The following ALG9 variants were observed in gnomAD, a reference collection of about 807,000 sequenced individuals.
ALG9 encodes the protein ALG9 alpha-1,2-mannosyltransferase, also known as alpha-1,2-mannosyltransferase ALG9.
In ALG9, 55 loss-of-function variants were observed where a neutral mutation model predicts 81.8. The ratio of observed to expected loss-of-function variants is 0.67; its 90% confidence interval spans 0.54 to 0.84. The LOEUF is 0.84. ALG9 is among the 40% of genes least tolerant of loss of function. ALG9 has a pLI of 0.00. For synonymous variants in ALG9, 278 were observed against 274.3 expected, an observed-to-expected ratio of 1.01 and a Z score of -0.13; for missense variants, 629 against 745.0, an observed-to-expected ratio of 0.84 and a Z score of 1.81.
chr11:111,868,533 T>C, intron 3 of ALG9, 69 bp downstream of exon 3: 1 of 1,541,460 alleles, frequency 6.5e-7, no homozygotes, highest in African/African-American at 1.4e-5. Flanking sequence ...TTTTGTCCTT[T>C]TCTCAAAACT....
chr11:111,814,026 C>T (rs1260003405), intron 13 of ALG9, among the ~76,000 whole-genome samples: 2 of 152,102 alleles, frequency 1.3e-5, no homozygotes, highest in Admixed American at 6.5e-5. Flanking sequence ...ATGGTTCAAC[C>T]TAATGTATAT....
At chr11:111,820,978 C>A (rs782750255) in intron 13 of ALG9, among the ~76,000 whole-genome samples, 5 of 151,494 alleles carry the variant, frequency 3.3e-5, no homozygotes, top group Non-Finnish European at 5.9e-5. Context: ...CACCTGTAAT[C>A]CTCATTACTC....
At chr11:111,833,265 C>T in intron 13 of ALG9, among the ~76,000 whole-genome samples, 1 of 152,132 alleles carries the variant, frequency 6.6e-6, no homozygotes, top group East Asian at 1.9e-4. Flanking sequence ...AAAGAGGTGA[C>T]ACTGAATGTA....
At chr11:111,868,431 C>A (rs1963194542) in intron 3 of ALG9, among the ~76,000 whole-genome samples, 171 bp downstream of exon 3, 1 of 152,206 alleles carries the variant, frequency 6.6e-6, no homozygotes, top group Non-Finnish European at 1.5e-5. Context: ...ACAGTGTCTA[C>A]CAAATAAAAG....
At chr11:111,854,077 T>G (rs946769770) in intron 6 of ALG9, among the ~76,000 whole-genome samples, 6 of 150,694 alleles carry the variant, frequency 4.0e-5, no homozygotes, top group Non-Finnish European at 8.8e-5. Context: ...AGGATTTTAG[T>G]AATAACCTTA....
intron 8 of ALG9, among the ~76,000 whole-genome samples, chr11:111,848,914 C>T (rs1555133903): frequency 6.6e-6 from 1 of 152,164 alleles, no homozygotes; most frequent in African/African-American, 2.4e-5. Flanking sequence ...CTATGATTCC[C>T]TATCTTTCCC....
At chr11:111,841,700 C>G (rs946399935) in intron 9 of ALG9, among the ~76,000 whole-genome samples, 10 of 152,188 alleles carry the variant, frequency 6.6e-5, no homozygotes, top group African/African-American at 1.2e-4. Flanking sequence ...TCAGGATTAT[C>G]GTCAAGATCC....
intron 14 of ALG9, among the ~76,000 whole-genome samples, chr11:111,795,763 T>C (rs1948182668): frequency 6.6e-6 from 1 of 152,250 alleles, no homozygotes; most frequent in Admixed American, 6.5e-5. Context: ...ACATCTGGCA[T>C]AACATCATAA....
At chr11:111,771,932 T>C in the ALG9 span, among the ~76,000 whole-genome samples, 1 of 152,150 alleles carries the variant, frequency 6.6e-6, no homozygotes, top group African/African-American at 2.4e-5. Context: ...TGGGTGGGAA[T>C]ACCCCAACAA....
At chr11:111,853,778 G>T in intron 6 of ALG9, 42 bp from the exon 7 acceptor site, 2 of 1,515,126 alleles carry the variant, frequency 1.3e-6, no homozygotes, top group South Asian at 2.2e-5. Context: ...AATAAATACT[G>T]ACAGAGACAA....
chr11:111,870,891 T>C (rs1300966118), intron 1 of ALG9: 3 of 1,000,556 alleles, frequency 3.0e-6, no homozygotes, highest in Admixed American at 6.1e-5. Flanking sequence ...GCAAGGTACA[T>C]AGCCTACTCC....
At chr11:111,857,564 C>T in intron 6 of ALG9, 38 bp downstream of exon 6, 8 of 1,613,616 alleles carry the variant, frequency 5.0e-6, no homozygotes, top group Middle Eastern at 1.7e-4. Flanking sequence ...TTACTATATG[C>T]CCAGCGATAT....
intron 13 of ALG9, among the ~76,000 whole-genome samples, chr11:111,820,908 C>A (rs1952225640): frequency 7.6e-6 from 1 of 131,842 alleles, no homozygotes; most frequent in African/African-American, 2.9e-5. Context: ...GACCCTGTCT[C>A]CAAACACGCG....
In ALG9 at chr11:111,856,273, T is replaced by C. The variant is rs1317478608; in HGVS notation, c.701+1329A>G. Among the ~76,000 whole-genome samples the C allele has an allele frequency of 6.0e-5, 6 of 100,298 alleles. No homozygotes were observed. The Admixed American group carries it at 7.8e-4, about 13-fold the overall frequency. 65.8% of individuals were successfully genotyped at this position (100,298 alleles called of 152,430 possible). ...GCCTGGGTGACAGAGCAAGACTCCA[T>C]CTCAAAAAAAAAAAAAAAAAAAAGA... is the stretch of plus-strand genomic sequence containing the variant. On this transcript the variant is annotated intron_variant, in intron 6 of 14. Transcript: ENST00000616540.
At position 111,871,542 on chromosome 11, in the gene ALG9, G is replaced by C. The variant is rs558409269; in HGVS notation, c.-60C>G. The stretch of plus-strand genomic sequence containing the variant: ...TGAAGTCGGTGAGCGCGCAGACATA[G>C]CTTTGGCTGGCAAACGGTGTCCGCC... On this transcript the variant is annotated 5_prime_UTR_variant, in exon 1 of 15. Transcript: ENST00000616540. 99 of 1,534,022 alleles carry C rather than the reference G, an allele frequency of 6.5e-5. No individual in the cohort carries two copies. The African/African-American group carries it at 1.2e-3, about 19-fold the overall frequency.
chr11:111,787,885 G>T (rs1311777909), intron 14 of ALG9, among the ~76,000 whole-genome samples: 9 of 152,174 alleles, frequency 5.9e-5, no homozygotes, highest in African/African-American at 2.2e-4. Context: ...CTTGCTCAGG[G>T]TTACACAGTA....
chr11:111,789,809 G>A (rs1175509329), intron 14 of ALG9, among the ~76,000 whole-genome samples: 2 of 150,152 alleles, frequency 1.3e-5, no homozygotes, highest in Non-Finnish European at 3.0e-5. Flanking sequence ...GACAGAGGGA[G>A]ACTCTGTCTC....
intron 8 of ALG9, among the ~76,000 whole-genome samples, chr11:111,851,444 T>C (rs1555138173): frequency 7.3e-6 from 1 of 136,262 alleles, no homozygotes; most frequent in Non-Finnish European, 1.5e-5. Context: ...TGCCACTGCA[T>C]CCAGTCTGGG....
intron 6 of ALG9, among the ~76,000 whole-genome samples, chr11:111,854,436 T>C (rs1480979187): frequency 1.3e-5 from 2 of 151,736 alleles, no homozygotes; most frequent in African/African-American, 4.8e-5. Flanking sequence ...ACCCCGCTAA[T>C]TGTTTTGTAT....
Sources: allele counts gnomAD v4.1 joint callset (sites outside exome capture counted in the v4.1 genomes callset), GRCh38; gene constraint gnomAD v4.1.1; transcripts MANE v1.5; gene names NCBI Gene and HGNC (gene_info 2026-07-23, HGNC 2026-07-21).